The following MICAL3 variants were observed in gnomAD, a reference collection of about 807,000 sequenced individuals.
MICAL3 encodes the protein microtubule associated monooxygenase, calponin and LIM domain containing 3.
Under a neutral mutation model 207.4 loss-of-function variants are expected in MICAL3, and 62 were observed. The ratio of observed to expected loss-of-function variants is 0.30; its 90% CI spans 0.24 to 0.37. The LOEUF (loss-of-function observed/expected upper bound fraction) is 0.37. MICAL3 is among the 10% of genes least tolerant of loss of function. The pLI, the probability that MICAL3 is intolerant of heterozygous loss-of-function variation, is 1.00. For synonymous variants in MICAL3, 1,077 were observed against 1,069.3 expected (o/e 1.01, Z -0.14); for missense variants, 2,368 against 2,635.6 (o/e 0.90, Z 2.22).
chr22:17,927,326 A>T (rs777703118), intron 1 of MICAL3, among the ~76,000 whole-genome samples: 11 of 152,086 alleles, frequency 7.2e-5, no homozygotes, highest in Non-Finnish European at 1.3e-4. Flanking sequence ...TTCTCCATTC[A>T]CCCATCAATG....
intron 1 of MICAL3, among the ~76,000 whole-genome samples, chr22:18,008,933 G>C (rs1295536948): frequency 6.6e-6 from 1 of 151,706 alleles, no homozygotes. Context: ...CTTCAAAAAA[G>C]GGAAATTAAA....
intron 19 of MICAL3, among the ~76,000 whole-genome samples, chr22:17,848,714 A>G (rs973337667): frequency 1.3e-5 from 2 of 152,198 alleles, no homozygotes; most frequent in African/African-American, 4.8e-5. Context: ...GAAGGGCTCT[A>G]GCCTATTTTT....
rs1252090865 is a variant in MICAL3, at chr22:17,788,227, G to C, written c.*2505C>G. 1 of 152,286 alleles carries C rather than the reference G, an allele frequency of 6.6e-6. No individual in the cohort carries two copies. Among genetic ancestry groups the C allele is most frequent in the South Asian group, 2.1e-4 (1 of 4,838 alleles). 9.4% of individuals were successfully genotyped at this position (152,286 alleles called of 1,614,324 possible). A position where few individuals can be genotyped will look rare whatever the true frequency, so the allele number is the denominator to read the frequency against. ...CTAGAACTGGGTGTCCTCACAGTCG[G>C]GAGCAGAAGGCTGGGGCGCAGGCCT... On this transcript the variant is annotated 3_prime_UTR_variant, in exon 32 of 32. Coordinates refer to ENST00000441493, the MANE Select transcript of MICAL3 (RefSeq NM_015241.3).
chr22:17,879,258 C>T lies in MICAL3; in HGVS notation c.2241+6620G>A, dbSNP rs1046586718. The T allele has an allele frequency of 9.4e-6, 11 of 1,170,408 alleles. No homozygotes were observed. In the African/African-American group the frequency reaches 1.5e-4, roughly 16 times the overall value. 72.5% of individuals were successfully genotyped at this position (1,170,408 alleles called of 1,614,324 possible). ...AAAAGCAAGGGGAGGGGGCCGTCCC[C>T]CATATCCCTTCCCGCTGCCCCACCA... On this transcript the variant is annotated intron_variant, in intron 16 of 31. Coordinates refer to ENST00000441493, the MANE Select transcript of MICAL3 (RefSeq NM_015241.3).
chr22:17,981,239 T>C (rs1437115745), intron 1 of MICAL3, among the ~76,000 whole-genome samples: 1 of 151,930 alleles, frequency 6.6e-6, no homozygotes, highest in East Asian at 1.9e-4. Context: ...ATACTCTTCA[T>C]TGTAAATTCC....
intron 3 of MICAL3, among the ~76,000 whole-genome samples, chr22:17,903,985 C>A (rs1298419848): frequency 6.6e-6 from 1 of 152,254 alleles, no homozygotes; most frequent in African/African-American, 2.4e-5. Flanking sequence ...CCGCTGATTG[C>A]ATTAACTTGT....
intron 19 of MICAL3, among the ~76,000 whole-genome samples, chr22:17,858,232 T>A (rs1284280699): frequency 6.6e-6 from 1 of 151,936 alleles, no homozygotes; most frequent in Non-Finnish European, 1.5e-5. Flanking sequence ...AAGAAAGAGG[T>A]GTTGGCAGCC....
intron 16 of MICAL3, chr22:17,879,481 G>C: frequency 2.4e-6 from 3 of 1,247,010 alleles, no homozygotes; most frequent in South Asian, 2.8e-5. Context: ...GGGAAATTCA[G>C]GGGCAGAAAT....
intron 1 of MICAL3, among the ~76,000 whole-genome samples, chr22:17,911,825 C>G (rs549113197): frequency 1.1e-5 from 1 of 88,874 alleles, no homozygotes; most frequent in Non-Finnish European, 2.0e-5. Context: ...GAGCAAGATC[C>G]TGTCTCAAAA....
intron 21 of MICAL3, 48 bp from the exon 22 acceptor site, chr22:17,827,829 G>A: frequency 6.6e-7 from 1 of 1,509,154 alleles, no homozygotes; most frequent in Non-Finnish European, 8.9e-7. Context: ...GGGAAGGAGG[G>A]GATGAAATAG....
intron 1 of MICAL3, among the ~76,000 whole-genome samples, chr22:17,936,680 T>C (rs188537018): frequency 6.5e-4 from 99 of 152,274 alleles, no homozygotes; most frequent in African/African-American, 2.3e-3. Flanking sequence ...CCTAAAGGCT[T>C]AAAAATATCT....
intron 1 of MICAL3, among the ~76,000 whole-genome samples, chr22:18,021,908 C>G (rs1424252939): frequency 1.3e-5 from 2 of 152,134 alleles, no homozygotes; most frequent in Non-Finnish European, 2.9e-5. Flanking sequence ...GATATGGTAC[C>G]ATCATTTATA....
chr22:17,865,118 TTTA>T (rs1926947264), intron 18 of MICAL3, 132 bp from the exon 19 acceptor site: 1 of 708,044 alleles, frequency 1.4e-6, no homozygotes, highest in Non-Finnish European at 1.8e-6. Flanking sequence ...TATTTATTTA[TTTA>T]TTTATTTAAG....
chr22:17,953,118 G>A (rs560064980), intron 1 of MICAL3, among the ~76,000 whole-genome samples: 12 of 152,266 alleles, frequency 7.9e-5, no homozygotes, highest in South Asian at 4.2e-4. Flanking sequence ...AGTTTGCAGC[G>A]GGAAGCACTC....
Position 17,917,847 on chromosome 22 carries a change from G to A in MICAL3, c.-74-10961C>T, listed in dbSNP as rs772691762. ...GCCCCGCCCCTGCCCCGTCACTCTC[G>A]ACCCACATCCTGTGGACACTGTGTA... is the stretch of plus-strand genomic sequence containing the variant. On this transcript the variant is annotated intron_variant, in intron 1 of 31. Transcript: ENST00000441493. 5.3e-5 allele frequency among the ~76,000 whole-genome samples: 8 copies of A among 152,122 alleles called. No individual in the cohort carries two copies. The East Asian group carries it at 5.8e-4, about 11-fold the overall frequency.
At chr22:17,858,357 C>T (rs1483155332) in intron 19 of MICAL3, 2 of 470,186 alleles carry the variant, frequency 4.3e-6, no homozygotes, top group Non-Finnish European at 5.6e-6. Context: ...GACTAATCTA[C>T]TTGCTGGCAC....
intron 1 of MICAL3, chr22:17,980,744 C>T (rs946348137): frequency 1.3e-5 from 6 of 447,310 alleles, no homozygotes; most frequent in South Asian, 3.3e-5. Context: ...CCACAGTTTC[C>T]GTCTTATCAT....
intron 2 of MICAL3, among the ~76,000 whole-genome samples, chr22:17,906,065 T>C (rs562127052): frequency 3.7e-4 from 57 of 152,268 alleles, no homozygotes; most frequent in African/African-American, 1.4e-3. Context: ...TCAGACAGGA[T>C]ACCAGCAGGG....
chr22:17,905,241 C>G (rs1250138000), intron 2 of MICAL3, among the ~76,000 whole-genome samples: 1 of 152,196 alleles, frequency 6.6e-6, no homozygotes, highest in Non-Finnish European at 1.5e-5. Flanking sequence ...CAAAGAGATA[C>G]AGAGTACTAC....
Sources: allele counts gnomAD v4.1 joint callset (sites outside exome capture counted in the v4.1 genomes callset), GRCh38; gene constraint gnomAD v4.1.1; transcripts MANE v1.5; gene names NCBI Gene and HGNC (gene_info 2026-07-23, HGNC 2026-07-21).